ARMC8: variants seen among roughly 807,000 people sequenced by gnomAD.
ARMC8 encodes armadillo repeat-containing protein 8.
Under a neutral mutation model 99.3 loss-of-function variants are expected in ARMC8, and 20 were observed. The ratio of observed to expected loss-of-function variants is 0.20; its 90% CI spans 0.14 to 0.29. The LOEUF (loss-of-function observed/expected upper bound fraction) is 0.29. ARMC8 is among the 10% of genes least tolerant of loss of function. The pLI is 1.00. For synonymous variants in ARMC8, 263 were observed against 278.3 expected (o/e 0.95, Z 0.55); for missense variants, 569 against 809.5 (o/e 0.70, Z 3.60).
chr3:138,262,704 G>T, intron 12 of ARMC8: 2 of 1,050,980 alleles, frequency 1.9e-6, no homozygotes, highest in Non-Finnish European at 1.3e-6. Context: ...ATCTCCCCAG[G>T]TAATTCTTCT....
Position 138,263,813 on chromosome 3 carries a change from T to G in ARMC8, c.1209T>G (p.Ala403=). Residue 403 remains alanine (A), a synonymous_variant, in exon 13 of 22, where the codon GCT becomes GCG. Transcript: ENST00000469044. ...LSESSVKVRL[A]AVRCLHSLSR... is the part of the protein sequence containing the mutation. ...AGTCTAGTGTCAAGGTGCGGTTAGC[T>G]GCCGTCAGGTATGAGCTTTAAATGG... is the stretch of plus-strand genomic sequence containing the variant. The G allele has an allele frequency of 1.2e-6, 2 of 1,613,944 alleles. No individual in the cohort carries two copies. Among genetic ancestry groups the G allele is most frequent in the Non-Finnish European group, 1.7e-6 (2 of 1,179,800 alleles).
In ARMC8 at chr3:138,297,114, G is replaced by A. The variant is rs2051556860; in HGVS notation, c.*1222G>A. On this transcript the variant is annotated 3_prime_UTR_variant, in exon 22 of 22. Coordinates refer to ENST00000469044, the MANE Select transcript of ARMC8 (RefSeq NM_001363941.2). ...ACTAGTTGCTCAGGACTGCTAGTTG[G>A]TATGCTTTTGTAAAACGAGATTGAA... The A allele has an allele frequency of 6.6e-6, 1 of 152,318 alleles. No homozygotes were observed. The highest frequency in any genetic ancestry group is 2.1e-4 in the South Asian group (1 of 4,830). The allele number at this position is 152,318 out of a possible 1,614,324, so 9.4% of individuals were successfully genotyped here.
chr3:138,243,940 G>C (rs899564288), intron 11 of ARMC8, among the ~76,000 whole-genome samples: 9 of 152,110 alleles, frequency 5.9e-5, no homozygotes, highest in Non-Finnish European at 1.3e-4. Flanking sequence ...TTACATTAAG[G>C]CTTTTAGTTA....
At chr3:138,277,428 G>A (rs541966410) in intron 18 of ARMC8, among the ~76,000 whole-genome samples, 7 of 152,308 alleles carry the variant, frequency 4.6e-5, no homozygotes, top group East Asian at 1.9e-4. Context: ...AAACTTCTGC[G>A]TCGTGAAATG....
At chr3:138,242,395 A>G (rs193218047) in intron 11 of ARMC8, among the ~76,000 whole-genome samples, 49 of 152,236 alleles carry the variant, frequency 3.2e-4, no homozygotes, top group Non-Finnish European at 6.5e-4. Flanking sequence ...ACCACAGTCT[A>G]TTTTGTTACC....
At chr3:138,187,624 G>A in intron 1 of ARMC8, 25 bp downstream of exon 1, 1 of 1,535,032 alleles carries the variant, frequency 6.5e-7, no homozygotes, top group Non-Finnish European at 8.7e-7. Flanking sequence ...GCGGCCGCCC[G>A]CCCGCCCTCC....
intron 18 of ARMC8, among the ~76,000 whole-genome samples, chr3:138,282,858 C>G (rs920764033): frequency 6.6e-6 from 1 of 152,042 alleles, no homozygotes; most frequent in Non-Finnish European, 1.5e-5. Context: ...AGATCTTTTC[C>G]GCAAGAGACT....
intron 21 of ARMC8, 50 bp downstream of exon 21, chr3:138,290,689 C>T (rs756515622): frequency 1.4e-5 from 18 of 1,264,724 alleles, no homozygotes; most frequent in Non-Finnish European, 1.8e-5. Flanking sequence ...TGGATTCTTT[C>T]GTGAAAGGGT....
At chr3:138,196,213 T>C (rs761124614) in intron 1 of ARMC8, among the ~76,000 whole-genome samples, 10 of 152,186 alleles carry the variant, frequency 6.6e-5, no homozygotes, top group African/African-American at 9.7e-5. Flanking sequence ...TAAAGCATGA[T>C]TCACAGGATT....
At chr3:138,256,399 C>CTCCTTTTTTTTTTTTTTTTTTT (rs1559998385) in intron 12 of ARMC8, among the ~76,000 whole-genome samples, 1 of 140,818 alleles carries the variant, frequency 7.1e-6, no homozygotes, top group African/African-American at 2.8e-5. Flanking sequence ...TTTTTTCCTC[C>CTCCTTTTTTTTTTTTTTTTTTT]TTCTTTTTTT....
In ARMC8 at chr3:138,270,190, G is replaced by T. The variant is rs144732109; in HGVS notation, c.1479+58G>T. The T allele has an allele frequency of 8.9e-5, 113 of 1,270,126 alleles. No homozygotes were observed. In the African/African-American group the frequency reaches 1.5e-3, roughly 17 times the overall value. 78.7% of individuals were successfully genotyped at this position (1,270,126 alleles called of 1,614,324 possible). On this transcript the variant is annotated intron_variant, in intron 16 of 21. Coordinates refer to ENST00000469044, the MANE Select transcript of ARMC8 (RefSeq NM_001363941.2). ...CAAAAGGAATACAGCTATTGTCTAAGTTAGAACTATAATGTGTTATTTGAA... is the reference window on the plus strand; with the variant it reads ...CAAAAGGAATACAGCTATTGTCTAATTTAGAACTATAATGTGTTATTTGAA...
intron 2 of ARMC8, among the ~76,000 whole-genome samples, chr3:138,218,830 A>G (rs1033245984): frequency 6.6e-6 from 1 of 152,314 alleles, no homozygotes; most frequent in East Asian, 1.9e-4. Context: ...TTTTCCCAAC[A>G]TTAAAAGTTA....
chr3:138,267,093 T>G, intron 14 of ARMC8, 62 bp from the exon 15 acceptor site: 2 of 831,372 alleles, frequency 2.4e-6, no homozygotes, highest in Middle Eastern at 3.1e-4. Flanking sequence ...ATTTTATATC[T>G]CATTTTATAT....
At chr3:138,187,697 C>T (rs755648341) in intron 1 of ARMC8, 98 bp downstream of exon 1, 2 of 1,324,890 alleles carry the variant, frequency 1.5e-6, no homozygotes, top group Admixed American at 2.0e-5. Context: ...GGCACCACCC[C>T]CTGGGGTGGA....
rs1482264243 is a variant in ARMC8 at position 138,235,020 on chromosome 3, C to A, written c.529-14C>A. On this transcript the variant is annotated splice_polypyrimidine_tract_variant and intron_variant, in intron 6 of 21. Transcript: ENST00000469044. ...ACTCTTCTAAATATATTGTTGTATT[C>A]TTTTTTCTTACAGGGGCCAGATCAT... The A allele has an allele frequency of 6.2e-7, 1 of 1,606,772 alleles. No homozygotes were observed. Among genetic ancestry groups the A allele is most frequent in the East Asian group, 2.2e-5 (1 of 44,776 alleles).
At chr3:138,209,297 C>G (rs2044564445) in intron 1 of ARMC8, among the ~76,000 whole-genome samples, 1 of 152,204 alleles carries the variant, frequency 6.6e-6, no homozygotes, top group Admixed American at 6.5e-5. Context: ...TAGGGCTCGC[C>G]ACAAAGGTCC....
intron 1 of ARMC8, among the ~76,000 whole-genome samples, chr3:138,189,938 C>G (rs781419612): frequency 3.3e-5 from 5 of 152,146 alleles, no homozygotes; most frequent in Non-Finnish European, 7.4e-5. Context: ...AACTGTTAAA[C>G]CTCCTGAATA....
At chr3:138,199,871 A>G (rs974169475) in intron 1 of ARMC8, among the ~76,000 whole-genome samples, 45 of 152,156 alleles carry the variant, frequency 3.0e-4, no homozygotes, top group African/African-American at 1.0e-3. Context: ...ATTTTAGTAA[A>G]TTGTCACAGT....
At chr3:138,222,134 A>T in intron 3 of ARMC8, 137 bp downstream of exon 3, 1 of 656,484 alleles carries the variant, frequency 1.5e-6, no homozygotes, top group Admixed American at 3.0e-5. Flanking sequence ...AAATAAATGT[A>T]AGTATTTAAA....
Sources: gnomAD v4.1 joint callset for allele counts (sites outside exome capture counted in the v4.1 genomes callset) on GRCh38, gnomAD v4.1.1 for gene constraint, MANE v1.5 for transcripts, NCBI Gene and HGNC (gene_info 2026-07-23, HGNC 2026-07-21) for gene names.